The following SULF1 variants were observed in gnomAD, a reference collection of about 807,000 sequenced individuals.
SULF1 encodes the protein extracellular sulfatase Sulf-1.
In SULF1, 46 loss-of-function variants were observed where a neutral mutation model predicts 110.5. The observed-to-expected ratio is 0.42, with a 90% CI of 0.33 to 0.53. The LOEUF is 0.53. Among genes scored for constraint, SULF1 ranks in the 20% least tolerant of loss-of-function variants. SULF1 has a pLI of 0.12. For synonymous variants in SULF1, 371 were observed against 387.1 expected (o/e 0.96, Z 0.49); for missense variants, 941 against 1,094.2 (o/e 0.86, Z 1.98).
intron 22 of SULF1, among the ~76,000 whole-genome samples, chr8:69,651,006 A>C (rs551000771): frequency 6.6e-6 from 1 of 151,642 alleles, no homozygotes; most frequent in Admixed American, 6.6e-5. Context: ...TGATGGATAG[A>C]GCTAAGAGAC....
intron 19 of SULF1, among the ~76,000 whole-genome samples, chr8:69,636,258 C>T (rs982546342): frequency 1.3e-5 from 2 of 152,164 alleles, no homozygotes; most frequent in African/African-American, 4.8e-5. Context: ...TGTTTCAGAC[C>T]GGGCGCGGTG....
intron 1 of SULF1, among the ~76,000 whole-genome samples, chr8:69,479,565 G>T (rs550011326): frequency 9.9e-5 from 15 of 152,256 alleles, no homozygotes; most frequent in African/African-American, 3.4e-4. Context: ...ATTTGTTGTT[G>T]TTGCTTCAAT....
chr8:69,645,964 T>C (rs1410563360), intron 22 of SULF1, among the ~76,000 whole-genome samples: 2 of 152,074 alleles, frequency 1.3e-5, no homozygotes, highest in Non-Finnish European at 2.9e-5. Context: ...AATGAACTAG[T>C]CAGTAGATCT....
intron 1 of SULF1, among the ~76,000 whole-genome samples, chr8:69,468,728 C>T (rs1808960028): frequency 6.6e-6 from 1 of 152,206 alleles, no homozygotes; most frequent in African/African-American, 2.4e-5. Context: ...ACATGGACAG[C>T]ATATAGCATG....
Position 69,584,846 on chromosome 8 carries a change from T to C in SULF1, c.413-1511T>C, listed in dbSNP as rs1276657060. On this transcript the variant is annotated intron_variant, in intron 6 of 22. Transcript: ENST00000402687. ...ACCATCTGTAGTCGTATATCAAAGA[T>C]AAAAGCAAGCTAAATACCTATCCCA... Among the ~76,000 whole-genome samples the C allele has an allele frequency of 2.6e-5, 4 of 152,202 alleles. No homozygotes were observed. In the East Asian group the frequency reaches 7.7e-4, roughly 29 times the overall value.
At chr8:69,506,886 A>G (rs1441198) in intron 3 of SULF1, among the ~76,000 whole-genome samples, 54,455 of 152,182 alleles carry the variant, frequency 0.36, 9,998 homozygotes, top group African/African-American at 0.38. Context: ...GGCAGTCACT[A>G]AAATGAAATC....
chr8:69,521,895 A>C (rs1237670250), intron 3 of SULF1, among the ~76,000 whole-genome samples: 4 of 151,884 alleles, frequency 2.6e-5, no homozygotes, highest in Non-Finnish European at 5.9e-5. Context: ...TGAGTGCTTT[A>C]GATTTGGTGA....
chr8:69,627,910 C>A (rs747766553), intron 17 of SULF1, 44 bp downstream of exon 17: 4 of 1,468,350 alleles, frequency 2.7e-6, no homozygotes, highest in Non-Finnish European at 3.8e-6. Flanking sequence ...AATTCATTTC[C>A]GCACAAGCCA....
rs550746812 is a variant in SULF1 at position 69,552,374 on chromosome 8, T to TA, written c.-133-11158dup. On this transcript the variant is annotated intron_variant, in intron 3 of 22. Coordinates refer to ENST00000402687, the MANE Select transcript of SULF1 (RefSeq NM_001128205.2). ...AAGTCAGTAAGTTGTCAAGGAATTTTAAAAAAATCAGTACTAAGATTATGA... is the reference window on the plus strand; with the variant it reads ...AAGTCAGTAAGTTGTCAAGGAATTTTAAAAAAAATCAGTACTAAGATTATGA... Among the ~76,000 whole-genome samples, 597 of 152,302 alleles carry TA rather than the reference T, an allele frequency of 3.9e-3. 2 individuals carry two copies. Among genetic ancestry groups the TA allele is most frequent in the African/African-American group, 0.014 (576 of 41,570 alleles).
intron 1 of SULF1, among the ~76,000 whole-genome samples, chr8:69,471,443 A>G (rs757802286): frequency 1.4e-4 from 22 of 152,190 alleles, no homozygotes; most frequent in Non-Finnish European, 2.9e-4. Flanking sequence ...TTTGGGGGAA[A>G]CTTAAGGAAA....
chr8:69,495,752 C>T lies in SULF1; in HGVS notation c.-390-13C>T, dbSNP rs949827384. 7.9e-5 allele frequency: 12 copies of T among 152,310 alleles called. No homozygotes were observed. Among genetic ancestry groups the T allele is most frequent in the African/African-American group, 2.9e-4 (12 of 41,566 alleles). 9.4% of individuals were successfully genotyped at this position (152,310 alleles called of 1,614,324 possible). A position where few individuals can be genotyped will look rare whatever the true frequency, so the allele number is the denominator to read the frequency against. ...AAGTAATACTTATCAAAAACAAACC[C>T]TTTCCTTAACAGGGATTCTTCACTT... On this transcript the variant is annotated splice_polypyrimidine_tract_variant and intron_variant, in intron 1 of 22. Coordinates refer to ENST00000402687, the MANE Select transcript of SULF1 (RefSeq NM_001128205.2).
At chr8:69,480,701 T>A (rs1035391162) in intron 1 of SULF1, among the ~76,000 whole-genome samples, 1 of 152,164 alleles carries the variant, frequency 6.6e-6, no homozygotes, top group African/African-American at 2.4e-5. Context: ...CCATTTGTTA[T>A]TTTGTACTAT....
rs757079996 is a variant in SULF1 at position 69,638,785 on chromosome 8, C to T, written c.2478C>T (p.His826=). The stretch of plus-strand genomic sequence containing the variant: ...AACGAGGCATTTTGAATCAGCTACA[C>T]GTACAACTAATGGAGCTCAGAAGCT... The part of the protein sequence containing the change: ...TVERGILNQL[H]VQLMELRSCQ... The change falls in exon 21 of 23, where the codon CAC becomes CAT. Residue 826 remains histidine, a synonymous_variant. Transcript: ENST00000402687. 46 of 1,613,964 alleles carry T rather than the reference C, an allele frequency of 2.9e-5. No individual in the cohort carries two copies. Among genetic ancestry groups the T allele is most frequent in the South Asian group, 5.5e-5 (5 of 91,074 alleles).
chr8:69,488,484 A>G (rs1809789266), upstream of SULF1, among the ~76,000 whole-genome samples: 1 of 152,226 alleles, frequency 6.6e-6, no homozygotes, highest in African/African-American at 2.4e-5. Flanking sequence ...CCTGAAATTA[A>G]TAAAGGTCAG....
chr8:69,568,523 T>A (rs1309780747), intron 5 of SULF1, among the ~76,000 whole-genome samples: 1 of 152,242 alleles, frequency 6.6e-6, no homozygotes, highest in African/African-American at 2.4e-5. Flanking sequence ...GAACATTTTG[T>A]TCACATTATT....
intron 1 of SULF1, among the ~76,000 whole-genome samples, chr8:69,494,484 G>T (rs1428598937): frequency 6.6e-6 from 1 of 152,038 alleles, no homozygotes; most frequent in Non-Finnish European, 1.5e-5. Context: ...TTTTCCCTTA[G>T]AATTCTCTGT....
intron 3 of SULF1, among the ~76,000 whole-genome samples, chr8:69,529,523 C>A (rs1329444673): frequency 6.6e-6 from 1 of 152,188 alleles, no homozygotes; most frequent in Non-Finnish European, 1.5e-5. Context: ...AACATCAATG[C>A]TCTTACACAG....
chr8:69,506,189 A>T (rs1217797395), intron 3 of SULF1, among the ~76,000 whole-genome samples: 1 of 152,066 alleles, frequency 6.6e-6, no homozygotes, highest in Non-Finnish European at 1.5e-5. Context: ...TGTGGGACAT[A>T]TAAGTTGCTC....
At chr8:69,529,000 C>G (rs557593829) in intron 3 of SULF1, among the ~76,000 whole-genome samples, 1 of 152,262 alleles carries the variant, frequency 6.6e-6, no homozygotes, top group South Asian at 2.1e-4. Flanking sequence ...TTATTAGGAA[C>G]TTTCTATGTA....
Sources: gnomAD v4.1 joint callset for allele counts (sites outside exome capture counted in the v4.1 genomes callset) on GRCh38, gnomAD v4.1.1 for gene constraint, MANE v1.5 for transcripts, NCBI Gene and HGNC (gene_info 2026-07-23, HGNC 2026-07-21) for gene names.